GALNTL6: variants seen among roughly 807,000 people sequenced by gnomAD.
The protein encoded by GALNTL6 is polypeptide N-acetylgalactosaminyltransferase like 6, also known as polypeptide N-acetylgalactosaminyltransferase-like 6.
Under a neutral mutation model 73.7 loss-of-function variants are expected in GALNTL6, and 46 were observed. That is an observed-to-expected ratio of 0.62 (90% confidence interval 0.49 to 0.80). The LOEUF is 0.80. Among genes scored for constraint, GALNTL6 ranks in the 30% least tolerant of loss-of-function variants. GALNTL6 has a pLI of 0.00. For synonymous variants in GALNTL6, 259 were observed against 263.7 expected (o/e 0.98, Z 0.17); for missense variants, 604 against 755.0 (o/e 0.80, Z 2.34).
intron 2 of GALNTL6, among the ~76,000 whole-genome samples, chr4:171,985,805 C>T (rs553845619): frequency 9.3e-5 from 14 of 150,958 alleles, no homozygotes; most frequent in African/African-American, 2.4e-4. Flanking sequence ...GTTGGGAGGC[C>T]GAGGTGGGTG....
intron 5 of GALNTL6, among the ~76,000 whole-genome samples, chr4:172,485,269 GA>G (rs1344836268): frequency 6.6e-6 from 1 of 151,864 alleles, no homozygotes; most frequent in Non-Finnish European, 1.5e-5. Flanking sequence ...GTACCACATA[GA>G]ATATTCAAAT....
intron 5 of GALNTL6, among the ~76,000 whole-genome samples, chr4:172,646,721 TG>T (rs2111138097): frequency 6.6e-6 from 1 of 152,176 alleles, no homozygotes; most frequent in African/African-American, 2.4e-5. Context: ...ACTATTCTTT[TG>T]GAATAGAAAG....
At chr4:172,715,227 T>C (rs1734993955) in intron 5 of GALNTL6, among the ~76,000 whole-genome samples, 1 of 152,102 alleles carries the variant, frequency 6.6e-6, no homozygotes, top group Admixed American at 6.5e-5. Context: ...TTTATGAAGG[T>C]AGTAAGAAAA....
chr4:172,253,035 C>T (rs1479895686), intron 3 of GALNTL6, among the ~76,000 whole-genome samples: 1 of 151,786 alleles, frequency 6.6e-6, no homozygotes, highest in Non-Finnish European at 1.5e-5. Flanking sequence ...GAAATTCAAG[C>T]TAATATTTAT....
intron 8 of GALNTL6, among the ~76,000 whole-genome samples, chr4:172,883,311 C>T (rs2111193989): frequency 6.6e-6 from 1 of 152,164 alleles, no homozygotes; most frequent in South Asian, 2.1e-4. Flanking sequence ...TTTTGCATTG[C>T]TATAAAGAAA....
At chr4:172,329,549 G>T (rs1395995213) in intron 4 of GALNTL6, among the ~76,000 whole-genome samples, 2 of 151,962 alleles carry the variant, frequency 1.3e-5, no homozygotes, top group Non-Finnish European at 2.9e-5. Context: ...CCTGTTGCTT[G>T]CCTGAACCAC....
intron 2 of GALNTL6, among the ~76,000 whole-genome samples, chr4:172,119,035 C>A (rs1476795115): frequency 6.6e-6 from 1 of 151,644 alleles, no homozygotes; most frequent in East Asian, 1.9e-4. Flanking sequence ...ATGTTGAGTA[C>A]ATGGTCTTAA....
chr4:171,857,743 G>A (rs1321925192), intron 2 of GALNTL6, among the ~76,000 whole-genome samples: 1 of 152,176 alleles, frequency 6.6e-6, no homozygotes, highest in African/African-American at 2.4e-5. Context: ...ATATTACTCT[G>A]TTGGTAATCT....
At chr4:172,549,916 ATG>A (rs1185920829) in intron 5 of GALNTL6, among the ~76,000 whole-genome samples, 1 of 152,186 alleles carries the variant, frequency 6.6e-6, no homozygotes, top group East Asian at 1.9e-4. Context: ...CAATGCAAAA[ATG>A]AGAGAGAAAT....
intron 2 of GALNTL6, among the ~76,000 whole-genome samples, chr4:171,885,628 A>T (rs2110918229): frequency 6.6e-6 from 1 of 152,212 alleles, no homozygotes; most frequent in Admixed American, 6.5e-5. Context: ...AAACACAGTG[A>T]GACCCTGTCT....
chr4:172,900,576 T>C (rs1746575394), intron 8 of GALNTL6, among the ~76,000 whole-genome samples: 1 of 152,160 alleles, frequency 6.6e-6, no homozygotes, highest in African/African-American at 2.4e-5. Flanking sequence ...AAGTTTACAA[T>C]TGCACCTTGA....
intron 2 of GALNTL6, chr4:171,814,997 T>G: frequency 1.9e-6 from 1 of 519,702 alleles, no homozygotes; most frequent in Non-Finnish European, 3.4e-6. Context: ...GATTTTGACT[T>G]GAGGTGGATG....
chr4:172,958,028 A>G (rs937334777), intron 10 of GALNTL6, among the ~76,000 whole-genome samples: 34 of 152,172 alleles, frequency 2.2e-4, no homozygotes, highest in African/African-American at 7.2e-4. Context: ...GGAATAATGT[A>G]GGAGGCCGGA....
chr4:171,897,984 C>T (rs946673475), intron 2 of GALNTL6, among the ~76,000 whole-genome samples: 5 of 151,412 alleles, frequency 3.3e-5, no homozygotes, highest in African/African-American at 1.2e-4. Context: ...GTTTTCAAAA[C>T]TATATCTAAC....
At chr4:171,930,248 A>G (rs992505395) in intron 2 of GALNTL6, among the ~76,000 whole-genome samples, 2 of 152,232 alleles carry the variant, frequency 1.3e-5, no homozygotes, top group African/African-American at 4.8e-5. Context: ...GCCTCCAGCG[A>G]AACCATGCCA....
chr4:172,332,516 C>T (rs962196449), intron 4 of GALNTL6, among the ~76,000 whole-genome samples: 1 of 131,462 alleles, frequency 7.6e-6, no homozygotes, highest in Non-Finnish European at 1.7e-5. Flanking sequence ...TATTTCCATC[C>T]GATCAAGTTT....
intron 5 of GALNTL6, among the ~76,000 whole-genome samples, chr4:172,416,335 T>A (rs1561073208): frequency 6.6e-6 from 1 of 152,230 alleles, no homozygotes; most frequent in Non-Finnish European, 1.5e-5. Context: ...GTAGTCTAAC[T>A]TTTCAAAGAA....
At chr4:173,003,335 G>A (rs1269226865) in intron 10 of GALNTL6, among the ~76,000 whole-genome samples, 1 of 152,116 alleles carries the variant, frequency 6.6e-6, no homozygotes, top group African/African-American at 2.4e-5. Flanking sequence ...GGGGGATTGT[G>A]TAAGACACAG....
chr4:171,827,997 A>G (rs1281331543), intron 2 of GALNTL6, among the ~76,000 whole-genome samples: 1 of 152,206 alleles, frequency 6.6e-6, no homozygotes, highest in East Asian at 1.9e-4. Context: ...GTACTAGTCT[A>G]TTTTATGTGC....
Sources: allele counts gnomAD v4.1 joint callset (sites outside exome capture counted in the v4.1 genomes callset), GRCh38; gene constraint gnomAD v4.1.1; transcripts MANE v1.5; gene names NCBI Gene and HGNC (gene_info 2026-07-23, HGNC 2026-07-21).